The following AKT1S1 variants were observed in gnomAD, a reference collection of about 807,000 sequenced individuals.
AKT1S1 encodes proline-rich AKT1 substrate 1.
Under a neutral mutation model 21.2 loss-of-function variants are expected in AKT1S1, and 17 were observed. The ratio of observed to expected loss-of-function variants is 0.80; its 90% confidence interval spans 0.55 to 1.20. The LOEUF (loss-of-function observed/expected upper bound fraction) is 1.20. Ranked by LOEUF, AKT1S1 falls within the 50% of genes most tolerant of loss-of-function variation. The pLI is 0.00. For synonymous variants in AKT1S1, 181 were observed against 165.6 expected, an observed-to-expected ratio of 1.09 and a Z score of -0.72; for missense variants, 366 against 368.3, an observed-to-expected ratio of 0.99 and a Z score of 0.05.
Position 49,875,098 on chromosome 19 carries a change from G to A in AKT1S1, c.-7-1796C>T, listed in dbSNP as rs181708147. ...CCCTTTCACCTACACTATGAGACAG[G>A]AGCTTTAGTTACAGTTCACCCCATT... On this transcript the variant is annotated intron_variant, in intron 1 of 4. Coordinates refer to ENST00000344175, the MANE Select transcript of AKT1S1 (RefSeq NM_001098633.4). 3.3e-5 allele frequency: 5 copies of A among 152,322 alleles called. No individual in the cohort carries two copies. The East Asian group carries it at 9.6e-4, about 29-fold the overall frequency. 9.4% of individuals were successfully genotyped at this position (152,322 alleles called of 1,614,324 possible).
At position 49,873,625 on chromosome 19, in the gene AKT1S1, G is replaced by A. The variant is rs2074910502; in HGVS notation, c.-7-323C>T. ...ACAGGGAGTACTGGAAAGGCAGGGAGTCCTAGCAGAGAGTCCTAGCAGAGA... is the reference window on the plus strand; with the variant it reads ...ACAGGGAGTACTGGAAAGGCAGGGAATCCTAGCAGAGAGTCCTAGCAGAGA... On this transcript the variant is annotated intron_variant, in intron 1 of 4. Transcript: ENST00000344175. The surrounding 1 kb of genome is among the most constrained non-coding windows in gnomAD (Gnocchi z 6.9). 1.2e-5 allele frequency: 4 copies of A among 342,914 alleles called. No homozygotes were observed. In the East Asian group the frequency reaches 1.7e-4, roughly 14 times the overall value. 21.2% of individuals were successfully genotyped at this position (342,914 alleles called of 1,614,324 possible).
rs2122383403 is a variant in AKT1S1 at position 49,873,870 on chromosome 19, T to C, written c.-7-568A>G. On this transcript the variant is annotated intron_variant, in intron 1 of 4. Coordinates refer to ENST00000344175, the MANE Select transcript of AKT1S1 (RefSeq NM_001098633.4). The surrounding 1 kb of genome is among the most constrained non-coding windows in gnomAD (Gnocchi z 6.9). Reference sequence around the variant, plus strand: ...CTTTTAACATGGTGTCTAGAAAATTTAGAATTCCACGTGGGGCTTGTGTTG... The same window carrying C: ...CTTTTAACATGGTGTCTAGAAAATTCAGAATTCCACGTGGGGCTTGTGTTG... 1.3e-5 allele frequency: 2 copies of C among 152,310 alleles called. No homozygotes were observed. The highest frequency in any genetic ancestry group is 3.9e-4 in the East Asian group (2 of 5,178). 9.4% of individuals were successfully genotyped at this position (152,310 alleles called of 1,614,324 possible).
At chr19:49,875,630 G>A (rs1452567756) in intron 1 of AKT1S1, among the ~76,000 whole-genome samples, 2 of 152,204 alleles carry the variant, frequency 1.3e-5, no homozygotes, top group Non-Finnish European at 2.9e-5. Context: ...AATGACATGC[G>A]GAGAAGAGGG....
rs1385623547 is a variant in AKT1S1 at position 49,873,364 on chromosome 19, T to G, written c.-7-62A>C. On this transcript the variant is annotated intron_variant, in intron 1 of 4. Coordinates refer to ENST00000344175, the MANE Select transcript of AKT1S1 (RefSeq NM_001098633.4). The surrounding 1 kb of genome is among the most constrained non-coding windows in gnomAD (Gnocchi z 6.9). ...GGCGGCCTACATCATCGCCACCCAC[T>G]CAGAGTGCCCGCCCGTCCCCTGGAT... The G allele has an allele frequency of 1.4e-6, 2 of 1,386,992 alleles. No homozygotes were observed. Among genetic ancestry groups the G allele is most frequent in the East Asian group, 6.0e-5 (2 of 33,252 alleles). 85.9% of individuals were successfully genotyped at this position (1,386,992 alleles called of 1,614,324 possible).
At chr19:49,876,738 C>T (rs1245008011) in intron 1 of AKT1S1, 1 of 1,387,252 alleles carries the variant, frequency 7.2e-7, no homozygotes, top group Non-Finnish European at 9.4e-7. Flanking sequence ...CGCCCGAGAT[C>T]AAGATGGCGG....
At chr19:49,877,852 C>T, upstream of AKT1S1, 1 of 1,350,080 alleles carries the variant, frequency 7.4e-7, no homozygotes. Context: ...ACGGCCTTGG[C>T]AAACACCGAT....
At chr19:49,871,933 G>A (rs776688985) in intron 2 of AKT1S1, 44 bp from the exon 3 acceptor site, 1 of 1,594,776 alleles carries the variant, frequency 6.3e-7, no homozygotes, top group Admixed American at 1.7e-5. Context: ...GCAGCACCTA[G>A]CCATGCTCCA....
intron 1 of AKT1S1, chr19:49,876,185 C>G: frequency 2.0e-6 from 2 of 1,013,100 alleles, no homozygotes; most frequent in African/African-American, 1.7e-5. Context: ...TCAGCTGCCC[C>G]GAGACCTCCC....
rs199749888 is a variant in AKT1S1 at position 49,872,867 on chromosome 19, C to T, written c.379+50G>A. 68 of 1,556,452 alleles carry T rather than the reference C, an allele frequency of 4.4e-5. No individual in the cohort carries two copies. The East Asian group carries it at 1.3e-3, about 29-fold the overall frequency. ...GCCCCCACCCCGACAAAGCCTCCTG[C>T]GGGCACCTCAAGCGCTGGGCCGCAC... On this transcript the variant is annotated intron_variant, in intron 2 of 4. Coordinates refer to ENST00000344175, the MANE Select transcript of AKT1S1 (RefSeq NM_001098633.4).
chr19:49,871,996 C>T (rs1031799590), intron 2 of AKT1S1, 107 bp from the exon 3 acceptor site: 1 of 1,168,636 alleles, frequency 8.6e-7, no homozygotes, highest in East Asian at 2.4e-5. Context: ...CTCCACCTCC[C>T]TGAAGCTTCT....
chr19:49,870,076 C>A lies in AKT1S1; in HGVS notation c.628-16G>T. 2 of 1,510,042 alleles carry A rather than the reference C, an allele frequency of 1.3e-6. No homozygotes were observed. The highest frequency in any genetic ancestry group is 2.1e-5 in the Admixed American group (1 of 48,634). 93.5% of individuals were successfully genotyped at this position (1,510,042 alleles called of 1,614,324 possible). A position where few individuals can be genotyped will look rare whatever the true frequency, so the allele number is the denominator to read the frequency against. ...GCGAAGAGGGCTGCGGGGACGGCGA[C>A]GGGGCGAGGTCAGCGCCGGCAGGGC... is the stretch of plus-strand genomic sequence containing the variant. On this transcript the variant is annotated splice_polypyrimidine_tract_variant and intron_variant, in intron 4 of 4. Transcript: ENST00000344175.
chr19:49,876,997 G>A (rs2074955797), intron 1 of AKT1S1: 1 of 291,572 alleles, frequency 3.4e-6, no homozygotes, highest in Non-Finnish European at 6.4e-6. Context: ...TCAGCCCATA[G>A]TGTATATTGG....
At chr19:49,877,844 G>A (rs1326091927), upstream of AKT1S1, 7 of 1,413,900 alleles carry the variant, frequency 5.0e-6, no homozygotes, top group Admixed American at 2.3e-5. Context: ...AATCCGGCAC[G>A]GCCTTGGCAA....
chr19:49,870,073 C>T lies in AKT1S1; in HGVS notation c.628-13G>A. 2 of 1,510,710 alleles carry T rather than the reference C, an allele frequency of 1.3e-6. 1 individual carries two copies. Among genetic ancestry groups the T allele is most frequent in the Non-Finnish European group, 1.8e-6 (2 of 1,125,896 alleles). 93.6% of individuals were successfully genotyped at this position (1,510,710 alleles called of 1,614,324 possible). A position where few individuals can be genotyped will look rare whatever the true frequency, so the allele number is the denominator to read the frequency against. On this transcript the variant is annotated splice_polypyrimidine_tract_variant and intron_variant, in intron 4 of 4. Transcript: ENST00000344175. ...CGGGCGAAGAGGGCTGCGGGGACGG[C>T]GACGGGGCGAGGTCAGCGCCGGCAG... is the stretch of plus-strand genomic sequence containing the variant.
At position 49,873,248 on chromosome 19, in the gene AKT1S1, G is replaced by T; in HGVS notation, c.48C>A (p.Ala16=). ...PEELWEAVVG[A]AERFRARTGT... ...CAGTCCGGGCCCGGAAGCGCTCAGC[G>T]GCCCCCACCACGGCCTCCCACAGCT... Residue 16 remains alanine, a synonymous_variant, in exon 2 of 5, where the codon GCC becomes GCA. Transcript: ENST00000344175. The surrounding 1 kb of genome is among the most constrained non-coding windows in gnomAD (Gnocchi z 6.9). 1 of 1,535,062 alleles carries T rather than the reference G, an allele frequency of 6.5e-7. No homozygotes were observed.
rs923452462 is a variant in AKT1S1 at position 49,873,849 on chromosome 19, T to C, written c.-7-547A>G. ...ATTTCATCTGCTTTTTTTACTCTTT[T>C]AACATGGTGTCTAGAAAATTTAGAA... On this transcript the variant is annotated intron_variant, in intron 1 of 4. Coordinates refer to ENST00000344175, the MANE Select transcript of AKT1S1 (RefSeq NM_001098633.4). This position sits in a 1 kb window ranked among gnomAD's most constrained non-coding sequence, Gnocchi z 6.9. The C allele has an allele frequency of 6.6e-6, 1 of 152,310 alleles. No homozygotes were observed. The highest frequency in any genetic ancestry group is 2.4e-5 in the African/African-American group (1 of 41,332). The allele number at this position is 152,310 out of a possible 1,614,324, so 9.4% of individuals were successfully genotyped here.
At chr19:49,875,985 G>A (rs1568669694) in intron 1 of AKT1S1, 1 of 985,452 alleles carries the variant, frequency 1.0e-6, no homozygotes, top group Middle Eastern at 5.2e-4. Context: ...AGAGGAAAGT[G>A]AGACGTGTTC....
rs200985532 is a variant in AKT1S1 at position 49,871,738 on chromosome 19, A to T, written c.458-22T>A. 231 of 1,611,354 alleles carry T rather than the reference A, an allele frequency of 1.4e-4. 1 individual carries two copies. Among genetic ancestry groups the T allele is most frequent in the Non-Finnish European group, 1.9e-5 (22 of 1,178,284 alleles). ...CCATCTGAAAGAGAGGGTGGACTTC[A>T]GCTTCTGTCCCTGCCTTTGTGTCGG... On this transcript the variant is annotated intron_variant, in intron 3 of 4. Coordinates refer to ENST00000344175, the MANE Select transcript of AKT1S1 (RefSeq NM_001098633.4).
rs1056790460 is a variant in AKT1S1, at chr19:49,873,705, G to A, written c.-7-403C>T. ...TCTGAAGACTGAGTACAATAAAGCCGAACGAGCCGGGCGTGGTGGCTCAGG... is the reference window on the plus strand; with the variant it reads ...TCTGAAGACTGAGTACAATAAAGCCAAACGAGCCGGGCGTGGTGGCTCAGG... On this transcript the variant is annotated intron_variant, in intron 1 of 4. Transcript: ENST00000344175. This position sits in a 1 kb window ranked among gnomAD's most constrained non-coding sequence, Gnocchi z 6.9. 1 of 172,360 alleles carries A rather than the reference G, an allele frequency of 5.8e-6. No individual in the cohort carries two copies. Among genetic ancestry groups the A allele is most frequent in the Non-Finnish European group, 1.2e-5 (1 of 82,660 alleles). 10.7% of individuals were successfully genotyped at this position (172,360 alleles called of 1,614,324 possible).
Sources: allele counts gnomAD v4.1 joint callset (sites outside exome capture counted in the v4.1 genomes callset), GRCh38; gene constraint gnomAD v4.1.1; non-coding constraint Gnocchi (gnomAD v3.1); transcripts MANE v1.5; gene names NCBI Gene and HGNC (gene_info 2026-07-23, HGNC 2026-07-21).